The following FBXO25 variants were observed in gnomAD, a reference collection of about 807,000 sequenced individuals.
FBXO25 encodes F-box protein 25.
In FBXO25, 45 loss-of-function variants were observed where a neutral mutation model predicts 51.9. That is an observed-to-expected ratio of 0.87 (90% CI 0.68 to 1.11). FBXO25 has a LOEUF of 1.11. Ranked by LOEUF, FBXO25 falls within the 50% of genes most tolerant of loss-of-function variation. The pLI, the probability that FBXO25 is intolerant of heterozygous loss-of-function variation, is 0.00. For synonymous variants in FBXO25, 199 were observed against 151.0 expected (o/e 1.32, Z -2.33); for missense variants, 507 against 428.5 (o/e 1.18, Z -1.62).
intron 1 of FBXO25, among the ~76,000 whole-genome samples, chr8:412,592 C>G (rs1300973546): frequency 6.6e-6 from 1 of 152,184 alleles, no homozygotes; most frequent in Non-Finnish European, 1.5e-5. Flanking sequence ...GCATCCAACT[C>G]CTCTAACTTG....
At position 472,454 on chromosome 8, in the gene FBXO25, G is replaced by A. The variant is rs1234063799; in HGVS notation, c.*3650G>A. ...TTTATACATAGCTGTTAGATTTGGT[G>A]TGCTGGAACAGCCAGCCCTCTGTAT... is the stretch of plus-strand genomic sequence containing the variant. On this transcript the variant is annotated 3_prime_UTR_variant, in exon 10 of 10. Transcript: ENST00000350302. 6.6e-6 allele frequency: 1 copy of A among 152,236 alleles called. No homozygotes were observed. The highest frequency in any genetic ancestry group is 1.5e-5 in the Non-Finnish European group (1 of 68,088). 9.4% of individuals were successfully genotyped at this position (152,236 alleles called of 1,614,324 possible).
intron 2 of FBXO25, among the ~76,000 whole-genome samples, chr8:429,737 C>G (rs1003499379): frequency 6.6e-6 from 1 of 152,228 alleles, no homozygotes; most frequent in African/African-American, 2.4e-5. Context: ...GCTTGGTCCT[C>G]AAGTCTGACA....
intron 8 of FBXO25, among the ~76,000 whole-genome samples, chr8:462,090 C>T (rs1046704886): frequency 6.6e-6 from 1 of 152,170 alleles, no homozygotes; most frequent in Non-Finnish European, 1.5e-5. Flanking sequence ...TGCAAAGTGG[C>T]TGCACCATTT....
At chr8:463,249 C>T (rs1799933982) in intron 9 of FBXO25, 99 bp downstream of exon 9, 1 of 1,323,002 alleles carries the variant, frequency 7.6e-7, no homozygotes, top group Non-Finnish European at 1.1e-6. Context: ...GCGGAAAATA[C>T]TGTTTGTTAT....
intron 5 of FBXO25, among the ~76,000 whole-genome samples, chr8:449,152 A>G (rs532083545): frequency 7.9e-5 from 12 of 152,384 alleles, no homozygotes; most frequent in African/African-American, 2.9e-4. Flanking sequence ...AAGCACACCT[A>G]AAACAGAGAT....
intron 1 of FBXO25, among the ~76,000 whole-genome samples, chr8:412,608 G>A (rs1161366229): frequency 6.6e-6 from 1 of 152,100 alleles, no homozygotes; most frequent in Non-Finnish European, 1.5e-5. Context: ...ACTTGATCCA[G>A]CCTTAAATGA....
chr8:421,330 A>G (rs1470197423), intron 2 of FBXO25, among the ~76,000 whole-genome samples: 1 of 152,228 alleles, frequency 6.6e-6, no homozygotes, highest in African/African-American at 2.4e-5. Context: ...CCTTGGTGCC[A>G]AAACGGTTAG....
chr8:426,218 A>T (rs1178471419), intron 2 of FBXO25, among the ~76,000 whole-genome samples: 3 of 152,192 alleles, frequency 2.0e-5, no homozygotes, highest in African/African-American at 7.2e-5. Context: ...TTAGTGGGTC[A>T]TCCCTCAGCT....
chr8:453,188 C>A lies in FBXO25; in HGVS notation c.660+1735C>A, dbSNP rs926195025. ...TACAAAAATGAAATTAATGTTTAAT[C>A]TTTGGGGAATAAGAAAGCGCTGATG... On this transcript the variant is annotated intron_variant, in intron 7 of 9. Coordinates refer to ENST00000350302, the MANE Select transcript of FBXO25 (RefSeq NM_183420.2). 2.6e-5 allele frequency among the ~76,000 whole-genome samples: 4 copies of A among 152,210 alleles called. No individual in the cohort carries two copies. In the South Asian group the frequency reaches 8.3e-4, roughly 32 times the overall value.
Position 468,700 on chromosome 8 carries a change from C to G in FBXO25, c.988-15C>G, listed in dbSNP as rs370889245. 80 of 1,611,772 alleles carry G rather than the reference C, an allele frequency of 5.0e-5. No homozygotes were observed. The African/African-American group carries it at 8.9e-4, about 18-fold the overall frequency. On this transcript the variant is annotated splice_polypyrimidine_tract_variant and intron_variant, in intron 9 of 9. Transcript: ENST00000350302. ...TGGTGGGGCCCCCTCCTAACCATCT[C>G]CCACCTCCCCACAGGACTCAGGACA...
chr8:443,145 T>A (rs1287597089), intron 5 of FBXO25, among the ~76,000 whole-genome samples: 1 of 150,924 alleles, frequency 6.6e-6, no homozygotes, highest in Non-Finnish European at 1.5e-5. Flanking sequence ...TTAAGAAAAA[T>A]TGAACATAGA....
At chr8:412,998 T>G in intron 1 of FBXO25, 75 bp from the exon 2 acceptor site, 4 of 1,085,648 alleles carry the variant, frequency 3.7e-6, no homozygotes, top group Non-Finnish European at 4.9e-6. Flanking sequence ...ATCTTTAAAA[T>G]TAATAAATGT....
At position 409,153 on chromosome 8, in the gene FBXO25, G is replaced by C. The variant is rs192649063; in HGVS notation, c.-8+2087G>C. 4.6e-3 allele frequency among the ~76,000 whole-genome samples: 696 copies of C among 152,260 alleles called. 22 individuals are homozygous for C. The highest frequency in any genetic ancestry group is 0.043 in the Admixed American group (652 of 15,294). ...AAAACTTGAGATCCAGACCCCAGACGTTTTAAATTGCAACTTGTCTTTTTT... is the reference window on the plus strand; with the variant it reads ...AAAACTTGAGATCCAGACCCCAGACCTTTTAAATTGCAACTTGTCTTTTTT... On this transcript the variant is annotated intron_variant, in intron 1 of 9. Transcript: ENST00000350302.
chr8:417,794 A>G lies in FBXO25; in HGVS notation c.134+4581A>G, dbSNP rs117117758. ...TGGCATTTCATTGTTTAGGTATACC[A>G]TAACTTATTTGTCCAGGCTTCCACT... On this transcript the variant is annotated intron_variant, in intron 2 of 9. Transcript: ENST00000350302. 1.6e-3 allele frequency among the ~76,000 whole-genome samples: 239 copies of G among 152,314 alleles called. 5 individuals are homozygous for G. In the Middle Eastern group the frequency reaches 0.017, roughly 11 times the overall value.
chr8:441,953 C>T (rs1798450787), intron 5 of FBXO25, among the ~76,000 whole-genome samples: 1 of 152,132 alleles, frequency 6.6e-6, no homozygotes, highest in South Asian at 2.1e-4. Context: ...GTGGTGATTC[C>T]TCAAGGATCT....
chr8:416,783 G>A (rs868201312), intron 2 of FBXO25, among the ~76,000 whole-genome samples: 5 of 152,242 alleles, frequency 3.3e-5, no homozygotes, highest in Non-Finnish European at 2.9e-5. Context: ...GTGCTGTGGT[G>A]TCAGGATACA....
chr8:469,966 T>C lies in FBXO25; in HGVS notation c.*1162T>C, dbSNP rs1463618398. On this transcript the variant is annotated 3_prime_UTR_variant, in exon 10 of 10. Transcript: ENST00000350302. ...AATGCATTTATTTGTCAAATTATAG[T>C]TTCTCCTGAGGCGATGCAAATACCT... The C allele has an allele frequency of 6.6e-6, 1 of 152,216 alleles. No individual in the cohort carries two copies. Among genetic ancestry groups the C allele is most frequent in the Non-Finnish European group, 1.5e-5 (1 of 68,046 alleles). 9.4% of individuals were successfully genotyped at this position (152,216 alleles called of 1,614,324 possible).
chr8:463,548 T>C (rs1173183783), intron 9 of FBXO25, among the ~76,000 whole-genome samples: 1 of 152,168 alleles, frequency 6.6e-6, no homozygotes, highest in East Asian at 1.9e-4. Context: ...CCTCGGCCCT[T>C]TATGTCCCCA....
intron 2 of FBXO25, among the ~76,000 whole-genome samples, chr8:417,625 A>G (rs1442974667): frequency 1.3e-5 from 2 of 152,214 alleles, no homozygotes; most frequent in African/African-American, 2.4e-5. Flanking sequence ...ACAGTGTCAC[A>G]GGTCATGCGC....
Sources: gnomAD v4.1 joint callset for allele counts (sites outside exome capture counted in the v4.1 genomes callset) on GRCh38, gnomAD v4.1.1 for gene constraint, MANE v1.5 for transcripts, NCBI Gene and HGNC (gene_info 2026-07-23, HGNC 2026-07-21) for gene names.